The following ANXA8 variants were observed in gnomAD, a reference collection of about 807,000 sequenced individuals.
ANXA8 encodes annexin A8.
In ANXA8, 9 loss-of-function variants were observed where a neutral mutation model predicts 26.8. The observed-to-expected ratio is 0.34, with a 90% confidence interval of 0.20 to 0.59. The LOEUF (loss-of-function observed/expected upper bound fraction) is 0.59. ANXA8 is among the 20% of genes least tolerant of loss of function. The pLI is 0.84. For missense variants in ANXA8, 83 were observed against 238.5 expected, an observed-to-expected ratio of 0.35 and a Z score of 4.29; for synonymous variants, 39 against 94.8, an observed-to-expected ratio of 0.41 and a Z score of 3.42.
At chr10:47,977,733 T>C in the ANXA8 span, among the ~76,000 whole-genome samples, 2 of 151,494 alleles carry the variant, frequency 1.3e-5, no homozygotes, top group African/African-American at 4.8e-5. Flanking sequence ...AGAAAAAAGA[T>C]TCAGTAAGTT....
At chr10:47,548,622 T>C in the ANXA8 span, among the ~76,000 whole-genome samples, 13 of 144,662 alleles carry the variant, frequency 9.0e-5, 1 homozygote, top group Non-Finnish European at 6.1e-5. Context: ...TTTTCTTTTT[T>C]TTGCTAATGT....
At chr10:47,499,101 C>CAAAAAAT in the ANXA8 span, among the ~76,000 whole-genome samples, 3 of 136,550 alleles carry the variant, frequency 2.2e-5, no homozygotes, top group Admixed American at 7.3e-5. Flanking sequence ...GACTCGGTCT[C>CAAAAAAT]AAAAAATAAA....
the ANXA8 span, among the ~76,000 whole-genome samples, chr10:47,670,574 G>GTTTTGATTTGCATTTTT: frequency 1.4e-4 from 21 of 151,870 alleles, no homozygotes; most frequent in Admixed American, 1.4e-3. Context: ...GGTGTAAAGT[G>GTTTTGATTTGCATTTTT]GTATCTTTTT....
At chr10:47,679,881 G>A in the ANXA8 span, among the ~76,000 whole-genome samples, 54 of 152,042 alleles carry the variant, frequency 3.6e-4, no homozygotes, top group Non-Finnish European at 7.2e-4. Context: ...TCGTGCCACT[G>A]CACTCCAGCA....
the ANXA8 span, among the ~76,000 whole-genome samples, chr10:47,711,557 A>G: frequency 6.8e-6 from 1 of 147,516 alleles, no homozygotes; most frequent in African/African-American, 2.7e-5. Flanking sequence ...AGATAAGTCT[A>G]ACTTTGGACT....
chr10:47,956,921 G>C, the ANXA8 span, among the ~76,000 whole-genome samples: 1 of 150,262 alleles, frequency 6.7e-6, no homozygotes, highest in Non-Finnish European at 1.5e-5. Context: ...GTGCATCCCA[G>C]ATACAGGTAT....
chr10:47,652,245 T>C, the ANXA8 span, among the ~76,000 whole-genome samples: 1 of 151,828 alleles, frequency 6.6e-6, no homozygotes, highest in Non-Finnish European at 1.5e-5. Flanking sequence ...ACGCTAAAAC[T>C]ACTGAATTGT....
the ANXA8 span, chr10:47,502,253 T>G: frequency 1.3e-6 from 2 of 1,594,784 alleles, no homozygotes; most frequent in South Asian, 1.1e-5. Flanking sequence ...TGGAGTGCCG[T>G]GCAGCCGTCT....
the ANXA8 span, among the ~76,000 whole-genome samples, chr10:47,664,495 G>T: frequency 9.2e-5 from 14 of 151,560 alleles, no homozygotes; most frequent in Admixed American, 7.2e-4. Flanking sequence ...TTGAACTCGG[G>T]AGGCGGAGGT....
chr10:47,645,135 G>A, the ANXA8 span, among the ~76,000 whole-genome samples: 1 of 150,742 alleles, frequency 6.6e-6, no homozygotes, highest in East Asian at 1.9e-4. Context: ...AAAAAATAAT[G>A]TCTAATAATT....
the ANXA8 span, among the ~76,000 whole-genome samples, chr10:47,966,504 T>C: frequency 6.7e-6 from 1 of 149,050 alleles, no homozygotes; most frequent in Non-Finnish European, 1.5e-5. Flanking sequence ...TAACTCTGCA[T>C]TGAGTACTAG....
the ANXA8 span, among the ~76,000 whole-genome samples, chr10:47,526,143 G>C: frequency 5.8e-5 from 7 of 120,574 alleles, 2 homozygotes; most frequent in East Asian, 2.1e-3. Context: ...GTCTCACTCT[G>C]TTGCCCAGGT....
the ANXA8 span, among the ~76,000 whole-genome samples, chr10:47,658,193 C>T: frequency 6.6e-6 from 1 of 151,674 alleles, no homozygotes; most frequent in African/African-American, 2.4e-5. Flanking sequence ...CATGGAGAAA[C>T]CCCATCTCTA....
At chr10:47,593,708 T>C in the ANXA8 span, among the ~76,000 whole-genome samples, 1 of 149,280 alleles carries the variant, frequency 6.7e-6, no homozygotes, top group Admixed American at 6.6e-5. Flanking sequence ...CATACACCAC[T>C]GTCATACTTT....
chr10:47,650,542 C>G, the ANXA8 span, among the ~76,000 whole-genome samples: 1 of 151,098 alleles, frequency 6.6e-6, no homozygotes, highest in Non-Finnish European at 1.5e-5. Flanking sequence ...TGTGGTGGCT[C>G]ACGCCTGTAA....
At chr10:47,699,095 C>G in the ANXA8 span, among the ~76,000 whole-genome samples, 15 of 151,502 alleles carry the variant, frequency 9.9e-5, no homozygotes, top group African/African-American at 2.9e-4. Context: ...GCCTGTAATC[C>G]CAGCACTTTG....
chr10:47,918,425 GAAAGAA>G, the ANXA8 span, among the ~76,000 whole-genome samples: 1 of 34,806 alleles, frequency 2.9e-5, no homozygotes, highest in Non-Finnish European at 5.9e-5. Flanking sequence ...AAGAAAGAAA[GAAAGAA>G]AGAGAGAGAG....
chr10:47,535,661 A>C, the ANXA8 span, among the ~76,000 whole-genome samples: 2 of 129,516 alleles, frequency 1.5e-5, no homozygotes, highest in African/African-American at 6.7e-5. Flanking sequence ...TATATAAAGC[A>C]ATGGAAGTGG....
At chr10:47,748,674 A>G in the ANXA8 span, among the ~76,000 whole-genome samples, 2 of 150,188 alleles carry the variant, frequency 1.3e-5, no homozygotes, top group Non-Finnish European at 3.0e-5. Flanking sequence ...TCTTTTGTAG[A>G]GGGGGGGGAT....
Sources: allele counts gnomAD v4.1 joint callset (sites outside exome capture counted in the v4.1 genomes callset), GRCh38; gene constraint gnomAD v4.1.1; transcripts MANE v1.5; gene names NCBI Gene and HGNC (gene_info 2026-07-23, HGNC 2026-07-21).